Variants in TSPAN11 observed in about 807,000 individuals in gnomAD.
TSPAN11 encodes the protein tetraspanin 11.
Under a neutral mutation model 32.9 loss-of-function variants are expected in TSPAN11, and 29 were observed. The observed-to-expected ratio is 0.88, with a 90% CI of 0.66 to 1.20. The LOEUF (loss-of-function observed/expected upper bound fraction) is 1.20, where lower values mean the gene tolerates loss of function less well. Ranked by LOEUF, TSPAN11 falls within the 50% of genes most tolerant of loss-of-function variation. The pLI, the probability that TSPAN11 is intolerant of heterozygous loss-of-function variation, is 0.00. For synonymous variants in TSPAN11, 140 were observed against 141.3 expected, an observed-to-expected ratio of 0.99 and a Z score of 0.07; for missense variants, 283 against 329.1, an observed-to-expected ratio of 0.86 and a Z score of 1.08.
At chr12:31,007,280 C>G in the TSPAN11 span, among the ~76,000 whole-genome samples, 1 of 152,090 alleles carries the variant, frequency 6.6e-6, no homozygotes, top group South Asian at 2.1e-4. Context: ...GTGATGGGGA[C>G]AGGTGGGGGT....
At chr12:30,953,181 A>G (rs1249113495) in intron 1 of TSPAN11, among the ~76,000 whole-genome samples, 1 of 152,214 alleles carries the variant, frequency 6.6e-6, no homozygotes, top group Admixed American at 6.5e-5. Flanking sequence ...TTGACATGTA[A>G]TAATAGCTAA....
At chr12:30,961,927 C>G (rs1938620959) in intron 2 of TSPAN11, among the ~76,000 whole-genome samples, 1 of 151,996 alleles carries the variant, frequency 6.6e-6, no homozygotes, top group Non-Finnish European at 1.5e-5. Flanking sequence ...CTCAGGAAAT[C>G]CCTCACTGGT....
intron 7 of TSPAN11, chr12:30,988,409 G>GA (rs1286388274): frequency 6.6e-6 from 1 of 152,152 alleles, no homozygotes; most frequent in Non-Finnish European, 1.5e-5. Context: ...CTAACAAGGT[G>GA]AAACCCTGTC....
chr12:30,985,662 G>A (rs114566571), intron 7 of TSPAN11, among the ~76,000 whole-genome samples: 1,618 of 152,322 alleles, frequency 0.011, 29 homozygotes, highest in African/African-American at 0.037. Flanking sequence ...GACCAGGCCT[G>A]GGCCACTCTG....
At chr12:30,941,834 C>T (rs1164935775) in intron 1 of TSPAN11, among the ~76,000 whole-genome samples, 1 of 152,268 alleles carries the variant, frequency 6.6e-6, no homozygotes, top group Admixed American at 6.5e-5. Flanking sequence ...CCTTTTGCTG[C>T]GCCTTGCTTC....
At chr12:30,964,053 G>A (rs368035083) in intron 3 of TSPAN11, 36 bp downstream of exon 3, 9 of 1,593,614 alleles carry the variant, frequency 5.6e-6, no homozygotes, top group Non-Finnish European at 7.7e-6. Flanking sequence ...GGGATGGGGA[G>A]CCCTGCACCA....
Position 30,963,923 on chromosome 12 carries a change from C to G in TSPAN11, c.182C>G (p.Ala61Gly), listed in dbSNP as rs1938671203. The part of the protein sequence containing the change: ...VLASSTFAAS[A>G]YILIFAGVLV... Reference sequence around the variant, plus strand: ...GCCTCCAGCACCTTTGCCGCCTCCGCCTACATCCTCATCTTTGCGGGCGTA... The same window carrying G: ...GCCTCCAGCACCTTTGCCGCCTCCGGCTACATCCTCATCTTTGCGGGCGTA... Residue 61 changes from alanine (A) to glycine (G), a missense_variant, in exon 3 of 8, where the codon GCC becomes GGC. Ala to Gly is a moderately conservative substitution (Grantham distance 60). Transcript: ENST00000546076. 2 of 1,613,924 alleles carry G rather than the reference C, an allele frequency of 1.2e-6. No individual in the cohort carries two copies. Among genetic ancestry groups the G allele is most frequent in the Non-Finnish European group, 1.7e-6 (2 of 1,179,926 alleles).
At chr12:30,985,361 A>G (rs139922920) in intron 7 of TSPAN11, among the ~76,000 whole-genome samples, 43 of 152,082 alleles carry the variant, frequency 2.8e-4, no homozygotes, top group African/African-American at 9.4e-4. Flanking sequence ...CATCATTTTT[A>G]TGATTTCTGC....
At chr12:30,955,602 T>C (rs1938462681) in intron 2 of TSPAN11, among the ~76,000 whole-genome samples, 1 of 152,238 alleles carries the variant, frequency 6.6e-6, no homozygotes, top group Non-Finnish European at 1.5e-5. Flanking sequence ...CTCACAGTTC[T>C]GGAGGCTAAA....
chr12:30,989,414 C>G (rs1939266871), intron 7 of TSPAN11, among the ~76,000 whole-genome samples: 2 of 152,104 alleles, frequency 1.3e-5, no homozygotes, highest in Admixed American at 1.3e-4. Context: ...GGGTCTTTAT[C>G]CTGCCTGGCC....
chr12:30,931,121 C>T lies in TSPAN11; in HGVS notation c.-12+4325C>T, dbSNP rs371027707. Among the ~76,000 whole-genome samples, 23 of 152,278 alleles carry T rather than the reference C, an allele frequency of 1.5e-4. 2 individuals are homozygous for T. The highest frequency in any genetic ancestry group is 1.4e-3 in the East Asian group (7 of 5,184). ...ATAAACCCCCCAGTGGTTCTCAGCC[C>T]TATCCTGGCTTAGGCATTCATTTTT... On this transcript the variant is annotated intron_variant, in intron 1 of 7. Transcript: ENST00000546076.
intron 2 of TSPAN11, among the ~76,000 whole-genome samples, chr12:30,963,243 C>A (rs973183273): frequency 3.3e-5 from 5 of 152,160 alleles, no homozygotes; most frequent in African/African-American, 1.2e-4. Context: ...CTGTCTCTGC[C>A]CCTAACCCTG....
At chr12:30,978,460 G>A in intron 3 of TSPAN11, 101 bp from the exon 4 acceptor site, 1 of 1,145,480 alleles carries the variant, frequency 8.7e-7, no homozygotes, top group Admixed American at 1.8e-5. Flanking sequence ...GGATGATAGG[G>A]GTCCCAGCAG....
intron 2 of TSPAN11, among the ~76,000 whole-genome samples, chr12:30,959,889 A>G (rs1938576993): frequency 6.7e-6 from 1 of 149,676 alleles, no homozygotes; most frequent in Non-Finnish European, 1.5e-5. Flanking sequence ...CATGCAAAAG[A>G]GTTTTTGGGC....
intron 4 of TSPAN11, 142 bp from the exon 5 acceptor site, chr12:30,979,424 C>T (rs745473280): frequency 1.5e-5 from 11 of 735,264 alleles, no homozygotes; most frequent in Non-Finnish European, 2.3e-5. Context: ...TGGTCCCTTA[C>T]GCTGTTGAGA....
the TSPAN11 span, among the ~76,000 whole-genome samples, chr12:31,016,489 A>G: frequency 6.6e-6 from 1 of 151,828 alleles, no homozygotes. Flanking sequence ...GAGGAGAGGA[A>G]AGGAGAGGAG....
chr12:30,959,601 G>T (rs1283549309), intron 2 of TSPAN11, among the ~76,000 whole-genome samples: 2 of 144,992 alleles, frequency 1.4e-5, no homozygotes, highest in East Asian at 4.0e-4. Context: ...AGTTCAAAGT[G>T]ATTAAAACCC....
At chr12:30,969,664 AT>A (rs1938809584) in intron 3 of TSPAN11, among the ~76,000 whole-genome samples, 1 of 152,304 alleles carries the variant, frequency 6.6e-6, no homozygotes, top group African/African-American at 2.4e-5. Flanking sequence ...TCTATGGCCA[AT>A]TAGCTTCCAC....
intron 1 of TSPAN11, among the ~76,000 whole-genome samples, chr12:30,948,766 A>G (rs1296836500): frequency 1.3e-5 from 2 of 152,178 alleles, no homozygotes; most frequent in African/African-American, 4.8e-5. Flanking sequence ...GGGGATTAAC[A>G]TTTGGCTCCT....
Sources: gnomAD v4.1 joint callset for allele counts (sites outside exome capture counted in the v4.1 genomes callset) on GRCh38, gnomAD v4.1.1 for gene constraint, MANE v1.5 for transcripts, NCBI Gene and HGNC (gene_info 2026-07-23, HGNC 2026-07-21) for gene names.